The following AP3B1 variants were observed in gnomAD, a reference collection of about 807,000 sequenced individuals.
AP3B1 encodes the protein adaptor related protein complex 3 subunit beta 1.
In AP3B1, 61 loss-of-function variants were observed where a neutral mutation model predicts 132.5. The observed-to-expected ratio is 0.46, with a 90% CI of 0.37 to 0.57. The LOEUF (loss-of-function observed/expected upper bound fraction) is 0.57, where lower values mean the gene tolerates loss of function less well. Ranked by LOEUF, AP3B1 falls within the 20% of genes least tolerant of loss-of-function variation. The pLI is 0.00. For missense variants in AP3B1, 1,120 were observed against 1,289.4 expected, an observed-to-expected ratio of 0.87 and a Z score of 2.01; for synonymous variants, 388 against 438.3, an observed-to-expected ratio of 0.89 and a Z score of 1.43.
intron 2 of AP3B1, among the ~76,000 whole-genome samples, chr5:78,256,427 A>G (rs981501350): frequency 1.3e-5 from 2 of 152,168 alleles, no homozygotes; most frequent in East Asian, 1.9e-4. Flanking sequence ...GAAGAAATGG[A>G]CAAATTCCTA....
intron 6 of AP3B1, among the ~76,000 whole-genome samples, chr5:78,217,915 TG>T (rs1475398948): frequency 2.6e-5 from 4 of 152,196 alleles, no homozygotes; most frequent in Admixed American, 2.6e-4. Context: ...TTCTTCCAAA[TG>T]TGTTTTGATA....
intron 24 of AP3B1, among the ~76,000 whole-genome samples, chr5:78,032,120 A>G (rs1023390485): frequency 3.3e-5 from 5 of 152,246 alleles, no homozygotes; most frequent in African/African-American, 1.2e-4. Flanking sequence ...AGATATACAT[A>G]TAACTACATG....
intron 14 of AP3B1, among the ~76,000 whole-genome samples, chr5:78,154,387 TG>T (rs1743056821): frequency 1.3e-5 from 2 of 152,198 alleles, no homozygotes; most frequent in Non-Finnish European, 2.9e-5. Flanking sequence ...TTCCCATCCT[TG>T]ACCTTTGGGA....
intron 3 of AP3B1, among the ~76,000 whole-genome samples, chr5:78,232,642 A>T (rs994749894): frequency 2.0e-5 from 3 of 152,172 alleles, no homozygotes; most frequent in Non-Finnish European, 4.4e-5. Context: ...CCTTCAATAC[A>T]ACCTACTGAA....
In AP3B1 at chr5:78,002,992, G is replaced by A. The variant is rs751258161; in HGVS notation, c.3195C>T (p.Gly1065=). The change falls in exon 27 of 27, where the codon GGC becomes GGT. Residue 1065 remains glycine, a synonymous_variant. Coordinates refer to ENST00000255194, the MANE Select transcript of AP3B1 (RefSeq NM_003664.5). The stretch of plus-strand genomic sequence containing the variant: ...TGTTTATGATAAGCTGGGCTGTAGA[G>A]CCTTCCTTCAGTTCCACTGTGACTA... The part of the protein sequence containing the change: ...LMLVTVELKE[G]STAQLIINTE... 2 of 1,614,188 alleles carry A rather than the reference G, an allele frequency of 1.2e-6. No homozygotes were observed. The highest frequency in any genetic ancestry group is 2.2e-5 in the East Asian group (1 of 44,880).
intron 3 of AP3B1, among the ~76,000 whole-genome samples, chr5:78,233,237 C>T (rs1244675255): frequency 2.2e-5 from 3 of 139,302 alleles, no homozygotes; most frequent in African/African-American, 8.0e-5. Context: ...TTTCTTTTTT[C>T]TTTTTTTTTT....
At chr5:78,134,600 G>C (rs1037873875) in intron 15 of AP3B1, among the ~76,000 whole-genome samples, 9 of 152,162 alleles carry the variant, frequency 5.9e-5, no homozygotes, top group Non-Finnish European at 7.3e-5. Context: ...GAGTGCAATG[G>C]CGCGATCTCA....
intron 14 of AP3B1, among the ~76,000 whole-genome samples, chr5:78,146,493 T>C (rs1047098186): frequency 6.6e-6 from 1 of 152,232 alleles, no homozygotes; most frequent in Admixed American, 6.5e-5. Flanking sequence ...TTAATTTCTT[T>C]TATTATCATA....
intron 2 of AP3B1, among the ~76,000 whole-genome samples, chr5:78,246,166 A>G (rs1747372161): frequency 6.6e-6 from 1 of 152,194 alleles, no homozygotes; most frequent in South Asian, 2.1e-4. Context: ...AGTGATCATC[A>G]GTTTCTGATA....
At chr5:78,244,247 C>T (rs1747275593) in intron 2 of AP3B1, among the ~76,000 whole-genome samples, 2 of 151,932 alleles carry the variant, frequency 1.3e-5, no homozygotes, top group African/African-American at 4.8e-5. Flanking sequence ...CACACACATA[C>T]ACACACAAAC....
Position 78,015,529 on chromosome 5 carries a change from A to G in AP3B1, c.3012T>C (p.Asn1004=). 1 of 1,613,768 alleles carries G rather than the reference A, an allele frequency of 6.2e-7. No individual in the cohort carries two copies. The highest frequency in any genetic ancestry group is 8.5e-7 in the Non-Finnish European group (1 of 1,179,772). The part of the protein sequence containing the change: ...KKEQGVLTGM[N]ETSAVIIAAP... ...CAGCAATGATTACAGCAGAAGTTTC[A>G]TTCATTCCTGTTAGCACTCCTGTAA... The change falls in exon 26 of 27, where the codon AAT becomes AAC. Residue 1004 remains asparagine, a synonymous_variant. Coordinates refer to ENST00000255194, the MANE Select transcript of AP3B1 (RefSeq NM_003664.5).
intron 26 of AP3B1, among the ~76,000 whole-genome samples, chr5:78,005,552 C>T (rs539666807): frequency 7.2e-5 from 11 of 152,212 alleles, no homozygotes; most frequent in South Asian, 2.1e-4. Context: ...CATCTGCTTA[C>T]GCTGCAATGG....
At chr5:78,178,611 ACT>A (rs1361469118) in intron 8 of AP3B1, among the ~76,000 whole-genome samples, 3 of 152,088 alleles carry the variant, frequency 2.0e-5, no homozygotes, top group African/African-American at 7.2e-5. Context: ...ATGGAGTGAG[ACT>A]CTGTCTCAAC....
intron 7 of AP3B1, among the ~76,000 whole-genome samples, chr5:78,193,031 C>T (rs773462668): frequency 6.6e-6 from 1 of 152,144 alleles, no homozygotes; most frequent in African/African-American, 2.4e-5. Flanking sequence ...GTGGTAGGAT[C>T]GAGCTTTACG....
At chr5:78,279,495 C>T (rs1410261648) in intron 1 of AP3B1, among the ~76,000 whole-genome samples, 1 of 142,938 alleles carries the variant, frequency 7.0e-6, no homozygotes, top group East Asian at 2.0e-4. Flanking sequence ...TGTATATCAT[C>T]ATAAAACCAG....
intron 3 of AP3B1, among the ~76,000 whole-genome samples, chr5:78,232,918 A>G (rs1746708164): frequency 1.3e-5 from 2 of 151,914 alleles, no homozygotes; most frequent in Admixed American, 1.3e-4. Flanking sequence ...TGCTGGCCAG[A>G]CTAGTCATGA....
intron 22 of AP3B1, among the ~76,000 whole-genome samples, chr5:78,046,344 G>A (rs185003879): frequency 9.7e-4 from 147 of 152,290 alleles, no homozygotes; most frequent in African/African-American, 3.4e-3. Context: ...TAGGCAGCAC[G>A]CCCCTTATGA....
chr5:78,070,935 T>C (rs1436420564), intron 22 of AP3B1, among the ~76,000 whole-genome samples: 4 of 152,102 alleles, frequency 2.6e-5, no homozygotes, highest in South Asian at 2.1e-4. Context: ...TATGAAGAAA[T>C]AGGAATGCTT....
Position 78,039,179 on chromosome 5 carries a change from C to A in AP3B1, c.2673G>T (p.Gln891His), listed in dbSNP as rs770455413. 3 of 1,614,060 alleles carry A rather than the reference C, an allele frequency of 1.9e-6. No individual in the cohort carries two copies. Among genetic ancestry groups the A allele is most frequent in the Admixed American group, 1.7e-5 (1 of 60,012 alleles). ...CCATCTTATCACCAAAAATGCAAGG[C>A]TGTCTTGGAAAGAAATAATGGGCAG... Reference protein sequence around the residue: ...GLAAHYFFPRQPCIFGDKMVS... With the variant: ...GLAAHYFFPRHPCIFGDKMVS... The change falls in exon 23 of 27, where the codon CAG becomes CAT. Residue 891 changes from glutamine to histidine, a missense_variant. Around this residue, in one of 3 missense-constraint regions of AP3B1, gnomAD observed 906 missense variants for 997.1 expected, o/e 0.91. Coordinates refer to ENST00000255194, the MANE Select transcript of AP3B1 (RefSeq NM_003664.5).
Sources: allele counts gnomAD v4.1 joint callset (sites outside exome capture counted in the v4.1 genomes callset), GRCh38; gene constraint gnomAD v4.1.1; regional missense constraint gnomAD v4.1.1; transcripts MANE v1.5; gene names NCBI Gene and HGNC (gene_info 2026-07-23, HGNC 2026-07-21).